The following TCF4 variants were observed in gnomAD, a reference collection of about 807,000 sequenced individuals.
The protein encoded by TCF4 is SL3-3 enhancer factor 2.
A neutral mutation model predicts 82.1 loss-of-function variants in TCF4; 3 were observed. The observed-to-expected ratio is 0.04, with a 90% CI of 0.02 to 0.09. The LOEUF (loss-of-function observed/expected upper bound fraction) is 0.09, where lower values mean the gene tolerates loss of function less well. TCF4 is among the 10% of genes least tolerant of loss of function. The pLI is 1.00. For missense variants in TCF4, 518 were observed against 852.7 expected (o/e 0.61, Z 4.89); for synonymous variants, 276 against 309.6 (o/e 0.89, Z 1.14).
intron 6 of TCF4, among the ~76,000 whole-genome samples, chr18:55,375,724 C>A (rs996110141): frequency 6.6e-6 from 1 of 151,984 alleles, no homozygotes; most frequent in African/African-American, 2.4e-5. Context: ...CTTTCCTATA[C>A]CTCAGCTAAC....
intron 8 of TCF4, among the ~76,000 whole-genome samples, chr18:55,334,718 A>C (rs963283671): frequency 1.3e-5 from 2 of 152,192 alleles, no homozygotes; most frequent in Admixed American, 6.5e-5. Flanking sequence ...CAAAATTATC[A>C]ATCGTTCAAA....
chr18:55,313,708 G>C lies in TCF4; in HGVS notation c.550-34052C>G, dbSNP rs954830437. Among the ~76,000 whole-genome samples the C allele has an allele frequency of 2.6e-5, 4 of 151,994 alleles. No individual in the cohort carries two copies. In the East Asian group the frequency reaches 7.7e-4, roughly 29 times the overall value. The stretch of plus-strand genomic sequence containing the variant: ...ACAATTATTGCCACCTATGCTCCAG[G>C]GGAGAGCCGGGCTCAAGTGTCTGAG... On this transcript the variant is annotated intron_variant, in intron 8 of 19. Coordinates refer to ENST00000354452, the MANE Select transcript of TCF4 (RefSeq NM_001083962.2).
At chr18:55,490,135 C>T (rs1473253186) in intron 3 of TCF4, among the ~76,000 whole-genome samples, 1 of 152,096 alleles carries the variant, frequency 6.6e-6, no homozygotes, top group Non-Finnish European at 1.5e-5. Flanking sequence ...AGAAGAGCAG[C>T]AAAGCATAAG....
In TCF4 at chr18:55,226,792, GTTTT is replaced by G. The variant is rs2046652914; in HGVS notation, c.*1239_*1242del. The G allele has an allele frequency of 6.6e-6, 1 of 151,836 alleles. No individual in the cohort carries two copies. Among genetic ancestry groups the G allele is most frequent in the Non-Finnish European group, 1.5e-5 (1 of 67,794 alleles). 9.4% of individuals were successfully genotyped at this position (151,836 alleles called of 1,614,324 possible). A position where few individuals can be genotyped will look rare whatever the true frequency, so the allele number is the denominator to read the frequency against. On this transcript the variant is annotated 3_prime_UTR_variant, in exon 20 of 20. Coordinates refer to ENST00000354452, the MANE Select transcript of TCF4 (RefSeq NM_001083962.2). ...TTTTTGAACTTTACTTGTTTTTTTT[GTTTT>G]TGTTTTTTTCCAAAAATCTGACCAT... is the stretch of plus-strand genomic sequence containing the variant.
At chr18:55,307,157 T>A (rs2070647680) in intron 8 of TCF4, among the ~76,000 whole-genome samples, 1 of 152,108 alleles carries the variant, frequency 6.6e-6, no homozygotes, top group Admixed American at 6.6e-5. Flanking sequence ...GGGAAAAAAA[T>A]TATAAAGCAG....
chr18:55,328,324 C>T (rs1408802304), intron 8 of TCF4, among the ~76,000 whole-genome samples: 1 of 151,900 alleles, frequency 6.6e-6, no homozygotes, highest in East Asian at 1.9e-4. Context: ...CTTCATTATG[C>T]CTCTTATTTT....
intron 5 of TCF4, among the ~76,000 whole-genome samples, chr18:55,427,236 C>T (rs2095028163): frequency 6.6e-6 from 1 of 152,018 alleles, no homozygotes; most frequent in African/African-American, 2.4e-5. Context: ...TACTCCATTC[C>T]TTAAAGAAGA....
intron 9 of TCF4, 69 bp downstream of exon 9, chr18:55,279,482 T>C: frequency 6.2e-7 from 1 of 1,608,898 alleles, no homozygotes. Flanking sequence ...TTCTGCCCCA[T>C]CTGTGACATT....
At chr18:55,601,859 C>G (rs1444856150) in intron 2 of TCF4, among the ~76,000 whole-genome samples, 2 of 152,158 alleles carry the variant, frequency 1.3e-5, no homozygotes, top group Non-Finnish European at 2.9e-5. Flanking sequence ...TGATTGTAAA[C>G]TTCTCTCATG....
intron 6 of TCF4, among the ~76,000 whole-genome samples, chr18:55,362,456 T>C (rs1410543439): frequency 1.4e-5 from 2 of 143,280 alleles, no homozygotes; most frequent in Non-Finnish European, 3.0e-5. Context: ...GAAGAAAACA[T>C]GTATCTGACC....
chr18:55,393,560 A>T (rs1442718339), intron 6 of TCF4, among the ~76,000 whole-genome samples: 1 of 152,236 alleles, frequency 6.6e-6, no homozygotes, highest in Non-Finnish European at 1.5e-5. Flanking sequence ...CCAATTTTGT[A>T]ACCTTTGCAT....
Position 55,226,061 on chromosome 18 carries a change from CATA to C in TCF4, c.*1971_*1973del, listed in dbSNP as rs886053954. ...AAAACTGATACAATGTATTAAAACA[CATA>C]ATAACAAGAGTCTACATGTAAAAAT... is the stretch of plus-strand genomic sequence containing the variant. On this transcript the variant is annotated 3_prime_UTR_variant, in exon 20 of 20. Transcript: ENST00000354452. The C allele has an allele frequency of 1.1e-4, 16 of 152,302 alleles. No homozygotes were observed. Among genetic ancestry groups the C allele is most frequent in the South Asian group, 4.2e-4 (2 of 4,808 alleles). 9.4% of individuals were successfully genotyped at this position (152,302 alleles called of 1,614,324 possible).
chr18:55,629,198 T>C (rs1352745076), intron 2 of TCF4, among the ~76,000 whole-genome samples: 1 of 152,222 alleles, frequency 6.6e-6, no homozygotes, highest in African/African-American at 2.4e-5. Flanking sequence ...ACAAGGCCTG[T>C]TGATATATTT....
chr18:55,492,113 G>T (rs2096583246), intron 3 of TCF4: 1 of 152,096 alleles, frequency 6.6e-6, no homozygotes, highest in Non-Finnish European at 1.5e-5. Context: ...TCCCCTTTAT[G>T]TCAATCTCAG....
At chr18:55,563,002 G>A (rs1483200936) in intron 3 of TCF4, among the ~76,000 whole-genome samples, 4 of 152,094 alleles carry the variant, frequency 2.6e-5, no homozygotes, top group Non-Finnish European at 5.9e-5. Context: ...CACTTTGGGA[G>A]GCCGAGGCAG....
chr18:55,354,393 C>T (rs761098625), intron 6 of TCF4, among the ~76,000 whole-genome samples: 22 of 152,136 alleles, frequency 1.4e-4, no homozygotes, highest in South Asian at 4.1e-4. Context: ...GAATGTCTTT[C>T]GAACACATTC....
chr18:55,487,687 CTGAG>C (rs2096531988), intron 3 of TCF4, among the ~76,000 whole-genome samples: 1 of 151,762 alleles, frequency 6.6e-6, no homozygotes, highest in African/African-American at 2.4e-5. Flanking sequence ...CTCTAAAACA[CTGAG>C]TGAGGGGATC....
At chr18:55,558,117 TAGG>T (rs2097321002) in intron 3 of TCF4, among the ~76,000 whole-genome samples, 1 of 151,842 alleles carries the variant, frequency 6.6e-6, no homozygotes, top group Admixed American at 6.6e-5. Flanking sequence ...CAGGCGGCGG[TAGG>T]AGGATCACTT....
At chr18:55,322,448 A>G (rs972194032) in intron 8 of TCF4, 1 of 1,007,898 alleles carries the variant, frequency 9.9e-7, no homozygotes, top group Non-Finnish European at 1.2e-6. Context: ...AAAAAAAAAA[A>G]AACACCACGT....
Sources: gnomAD v4.1 joint callset for allele counts (sites outside exome capture counted in the v4.1 genomes callset) on GRCh38, gnomAD v4.1.1 for gene constraint, MANE v1.5 for transcripts, NCBI Gene and HGNC (gene_info 2026-07-23, HGNC 2026-07-21) for gene names.